Variants in EYA2 observed in about 807,000 individuals in gnomAD.
The protein encoded by EYA2 is EYA transcriptional coactivator and phosphatase 2.
A neutral mutation model predicts 69.2 loss-of-function variants in EYA2; 31 were observed. The ratio of observed to expected loss-of-function variants is 0.45; its 90% CI spans 0.34 to 0.60. EYA2 has a LOEUF of 0.60. EYA2 is among the 20% of genes least tolerant of loss of function. The probability of loss-of-function intolerance (pLI) is 0.02; values close to 1 mark genes in which losing one functional copy is unlikely to be tolerated. For missense variants in EYA2, 622 were observed against 701.2 expected, an observed-to-expected ratio of 0.89 and a Z score of 1.28; for synonymous variants, 257 against 279.4, an observed-to-expected ratio of 0.92 and a Z score of 0.80.
chr20:47,148,907 C>G (rs932052914), intron 10 of EYA2, among the ~76,000 whole-genome samples: 7 of 152,146 alleles, frequency 4.6e-5, no homozygotes, highest in Admixed American at 4.6e-4. Flanking sequence ...GGTCTGCGGC[C>G]TCTGTCCCAG....
intron 9 of EYA2, 135 bp downstream of exon 9, chr20:47,097,303 G>A (rs2032278698): frequency 3.1e-6 from 2 of 641,416 alleles, no homozygotes; most frequent in African/African-American, 1.9e-5. Context: ...GTCAGCCCAG[G>A]TTTAAAAATT....
intron 1 of EYA2, among the ~76,000 whole-genome samples, chr20:46,959,634 G>A (rs1249941749): frequency 7.1e-6 from 1 of 141,738 alleles, no homozygotes; most frequent in Non-Finnish European, 1.6e-5. Context: ...ACACAAACGT[G>A]CACACATGCA....
At chr20:47,123,672 G>T (rs1280849167) in intron 9 of EYA2, among the ~76,000 whole-genome samples, 1 of 152,114 alleles carries the variant, frequency 6.6e-6, no homozygotes, top group East Asian at 1.9e-4. Flanking sequence ...GCAACATTAG[G>T]CATCAAGAAT....
chr20:46,911,554 G>A (rs1362609811), intron 1 of EYA2, among the ~76,000 whole-genome samples: 3 of 152,158 alleles, frequency 2.0e-5, no homozygotes, highest in Non-Finnish European at 4.4e-5. Context: ...TTGAATGAGA[G>A]GTTAAACTAT....
chr20:46,962,313 G>A (rs895687581), intron 1 of EYA2, among the ~76,000 whole-genome samples: 7 of 152,102 alleles, frequency 4.6e-5, no homozygotes, highest in Non-Finnish European at 7.4e-5. Flanking sequence ...AGGCATGAGC[G>A]ACCGTGCCCA....
intron 10 of EYA2, among the ~76,000 whole-genome samples, chr20:47,148,745 G>A (rs776054178): frequency 4.6e-5 from 7 of 152,212 alleles, no homozygotes; most frequent in Non-Finnish European, 1.0e-4. Context: ...GGGTAAGGGT[G>A]GATGTTGGGT....
chr20:46,987,016 T>G (rs943475755), intron 1 of EYA2, among the ~76,000 whole-genome samples: 3 of 152,214 alleles, frequency 2.0e-5, no homozygotes, highest in African/African-American at 4.8e-5. Context: ...GGCTTTCTTA[T>G]TTAAAAATTA....
intron 5 of EYA2, among the ~76,000 whole-genome samples, chr20:47,028,106 G>A (rs770662185): frequency 3.3e-5 from 5 of 152,068 alleles, no homozygotes; most frequent in Non-Finnish European, 7.4e-5. Flanking sequence ...GAGAGATCTC[G>A]ACCTCCTTGT....
chr20:47,011,006 C>A (rs750697091), intron 4 of EYA2, among the ~76,000 whole-genome samples: 1 of 152,112 alleles, frequency 6.6e-6, no homozygotes, highest in African/African-American at 2.4e-5. Context: ...CCAGGCTGAT[C>A]TTGAACTCCT....
chr20:46,933,598 T>C (rs1385198813), intron 1 of EYA2, among the ~76,000 whole-genome samples: 1 of 152,142 alleles, frequency 6.6e-6, no homozygotes, highest in African/African-American at 2.4e-5. Context: ...CACAGCTAAG[T>C]GGTTTTGTAG....
At chr20:47,151,242 G>A (rs771241571) in intron 10 of EYA2, among the ~76,000 whole-genome samples, 30 of 151,778 alleles carry the variant, frequency 2.0e-4, no homozygotes, top group Non-Finnish European at 3.4e-4. Flanking sequence ...ATCGTGGTGG[G>A]CACCTGTAAT....
chr20:47,086,291 G>A (rs2031890984), intron 7 of EYA2, among the ~76,000 whole-genome samples: 1 of 152,170 alleles, frequency 6.6e-6, no homozygotes. Flanking sequence ...TTCGAGACCA[G>A]CCTGGCCAAC....
intron 10 of EYA2, among the ~76,000 whole-genome samples, chr20:47,168,282 G>T (rs911368526): frequency 6.6e-6 from 1 of 151,814 alleles, no homozygotes; most frequent in Non-Finnish European, 1.5e-5. Context: ...ACCTCCACTT[G>T]CTGGGTTCAA....
chr20:46,916,680 G>A (rs1362655039), intron 1 of EYA2, among the ~76,000 whole-genome samples: 6 of 152,188 alleles, frequency 3.9e-5, no homozygotes, highest in African/African-American at 1.4e-4. Flanking sequence ...TGAGGTTAAG[G>A]TTGACTTTCC....
intron 1 of EYA2, among the ~76,000 whole-genome samples, chr20:46,908,850 C>G (rs1050692393): frequency 1.4e-5 from 2 of 139,042 alleles, no homozygotes; most frequent in African/African-American, 5.4e-5. Flanking sequence ...AGTGAAAAGG[C>G]ACTAAGCCTC....
chr20:47,048,780 G>C (rs1021527660), intron 5 of EYA2, among the ~76,000 whole-genome samples: 1 of 152,134 alleles, frequency 6.6e-6, no homozygotes, highest in African/African-American at 2.4e-5. Flanking sequence ...TTCCCTGGCA[G>C]ATATTATGAA....
chr20:47,045,112 G>A (rs182074100), intron 5 of EYA2, among the ~76,000 whole-genome samples: 17 of 152,244 alleles, frequency 1.1e-4, no homozygotes, highest in Admixed American at 3.3e-4. Context: ...ATCATTTCTC[G>A]TAATGTCTTG....
At chr20:47,003,176 C>G (rs1285963441) in intron 3 of EYA2, among the ~76,000 whole-genome samples, 1 of 152,096 alleles carries the variant, frequency 6.6e-6, no homozygotes. Context: ...GCCTCTGGAG[C>G]CAGGGTTCAA....
chr20:46,910,365 G>A (rs529228346), intron 1 of EYA2, among the ~76,000 whole-genome samples: 4 of 152,172 alleles, frequency 2.6e-5, no homozygotes, highest in African/African-American at 9.6e-5. Flanking sequence ...GCACCAAAGG[G>A]GAAAATCCAA....
Sources: allele counts gnomAD v4.1 joint callset (sites outside exome capture counted in the v4.1 genomes callset), GRCh38; gene constraint gnomAD v4.1.1; transcripts MANE v1.5; gene names NCBI Gene and HGNC (gene_info 2026-07-23, HGNC 2026-07-21).